The following HSPG2 variants were observed in gnomAD, a reference collection of about 807,000 sequenced individuals.
The protein encoded by HSPG2 is basement membrane-specific heparan sulfate proteoglycan core protein.
Under a neutral mutation model 526.6 loss-of-function variants are expected in HSPG2, and 278 were observed. The observed-to-expected ratio is 0.53, with a 90% CI of 0.48 to 0.58. The LOEUF (loss-of-function observed/expected upper bound fraction) is 0.58. HSPG2 is among the 20% of genes least tolerant of loss of function. The probability of loss-of-function intolerance (pLI) is 0.00; values close to 1 mark genes in which losing one functional copy is unlikely to be tolerated. For synonymous variants in HSPG2, 2,465 were observed against 2,555.4 expected, an observed-to-expected ratio of 0.96 and a Z score of 1.07; for missense variants, 5,354 against 6,099.5, an observed-to-expected ratio of 0.88 and a Z score of 4.07.
At chr1:21,891,407 C>A (rs10799718) in intron 3 of HSPG2, among the ~76,000 whole-genome samples, 47,047 of 152,046 alleles carry the variant, frequency 0.31, 7,544 homozygotes, top group Admixed American at 0.4. Flanking sequence ...AGATGCATCA[C>A]CTGGCACACA....
At position 21,828,136 on chromosome 1, in the gene HSPG2, G is replaced by A. The variant is rs370497259; in HGVS notation, c.12426C>T (p.His4142=). The A allele has an allele frequency of 8.6e-5, 139 of 1,612,590 alleles. No individual in the cohort carries two copies. The highest frequency in any genetic ancestry group is 3.0e-4 in the South Asian group (27 of 91,056). Residue 4142 remains histidine, a synonymous_variant, in exon 90 of 97, where the codon CAC becomes CAT. Coordinates refer to ENST00000374695, the MANE Select transcript of HSPG2 (RefSeq NM_005529.7). The surrounding 1 kb of genome is among the most constrained non-coding windows in gnomAD (Gnocchi z 6.0). ...CACGGAGCTGGCAGGGGTTCTCCTCGTGCTCACACAGGTCTCCTGTGGGCC... is the reference window on the plus strand; with the variant it reads ...CACGGAGCTGGCAGGGGTTCTCCTCATGCTCACACAGGTCTCCTGTGGGCC... ...RDGFKGDLCE[H]EENPCQLREP...
Position 21,823,420 on chromosome 1 carries a change from T to C in HSPG2, c.13072A>G (p.Asn4358Asp). ...FSSGITGCVKNLVLHSARPGA... is the reference protein window; with the variant it reads ...FSSGITGCVKDLVLHSARPGA... Reference sequence around the variant, plus strand: ...GGTCGGGCCGAGTGCAGCACCAGGTTCTTGACACAGCCTGTGATGCCTGAG... The same window carrying C: ...GGTCGGGCCGAGTGCAGCACCAGGTCCTTGACACAGCCTGTGATGCCTGAG... Residue 4358 changes from asparagine (N) to aspartate (D), a missense_variant, in exon 97 of 97, where the codon AAC becomes GAC. By Grantham distance (23) the Asn-to-Asp change is conservative. Coordinates refer to ENST00000374695, the MANE Select transcript of HSPG2 (RefSeq NM_005529.7). 1.3e-6 allele frequency: 2 copies of C among 1,586,280 alleles called. No individual in the cohort carries two copies. Among genetic ancestry groups the C allele is most frequent in the Non-Finnish European group, 1.7e-6 (2 of 1,171,008 alleles).
rs145093233 is a variant in HSPG2 at position 21,830,051 on chromosome 1, G to A, written c.11712C>T (p.Asp3904=). The A allele has an allele frequency of 2.7e-5, 43 of 1,603,984 alleles. No individual in the cohort carries two copies. The highest frequency in any genetic ancestry group is 1.9e-4 in the South Asian group (17 of 89,342). The part of the protein sequence containing the change: ...GPDATCVNRP[D]GRGYTCRCHL... ...GGCAGCGGCAGGTGTAGCCTCGACC[G>A]TCAGGCCGGTTCACACAGGTGGCGT... Residue 3904 remains aspartate (D), a synonymous_variant, in exon 86 of 97, where the codon GAC becomes GAT. Coordinates refer to ENST00000374695, the MANE Select transcript of HSPG2 (RefSeq NM_005529.7).
chr1:21,835,582 G>T lies in HSPG2; in HGVS notation c.10411C>A (p.Pro3471Thr), dbSNP rs1386027003. The T allele has an allele frequency of 1.9e-6, 3 of 1,614,134 alleles. No individual in the cohort carries two copies. The highest frequency in any genetic ancestry group is 2.5e-6 in the Non-Finnish European group (3 of 1,179,974). The change falls in exon 76 of 97, where the codon CCT becomes ACT. Residue 3471 changes from proline (P) to threonine (T), a missense_variant. By Grantham distance (38) the Pro-to-Thr change is conservative (BLOSUM62 -1). Coordinates refer to ENST00000374695, the MANE Select transcript of HSPG2 (RefSeq NM_005529.7). ...GCACTGGCCTGGGCCTTCCCCCAAG[G>T]TCCATGGGCCTGGCATATATACGTC... ...QGTYICQAHGPWGKAQASAQL... is the reference protein window; with the variant it reads ...QGTYICQAHGTWGKAQASAQL...
intron 75 of HSPG2, among the ~76,000 whole-genome samples, chr1:21,835,843 G>A (rs1303346766): frequency 6.6e-6 from 1 of 152,068 alleles, no homozygotes; most frequent in Non-Finnish European, 1.5e-5. Context: ...AATTAGCCAG[G>A]CGTGGTGGCA....
rs907179124 is a variant in HSPG2 at position 21,824,463 on chromosome 1, C to A, written c.12744+74G>T. On this transcript the variant is annotated intron_variant, in intron 93 of 96. Transcript: ENST00000374695. This position sits in a 1 kb window ranked among gnomAD's most constrained non-coding sequence, Gnocchi z 5.9. ...AGGGGGCTCTGCTTTCCCCTCCCCCCACCACTCCGGCCACCAGGAAGCCAG... is the reference window on the plus strand; with the variant it reads ...AGGGGGCTCTGCTTTCCCCTCCCCCAACCACTCCGGCCACCAGGAAGCCAG... 1.7e-5 allele frequency: 28 copies of A among 1,603,294 alleles called. No individual in the cohort carries two copies. Among genetic ancestry groups the A allele is most frequent in the Admixed American group, 3.3e-5 (2 of 60,024 alleles).
intron 49 of HSPG2, 52 bp downstream of exon 49, chr1:21,854,559 G>A (rs1370424746): frequency 9.9e-6 from 15 of 1,522,610 alleles, no homozygotes; most frequent in Non-Finnish European, 1.2e-5. Flanking sequence ...CCCCGCCTCC[G>A]CCACAGCCCC....
In HSPG2 at chr1:21,839,345, C is replaced by T. The variant is rs745391553; in HGVS notation, c.9889+26G>A. 2.4e-5 allele frequency: 39 copies of T among 1,606,014 alleles called. No individual in the cohort carries two copies. The highest frequency in any genetic ancestry group is 2.0e-5 in the Non-Finnish European group (23 of 1,178,860). On this transcript the variant is annotated intron_variant, in intron 73 of 96. Transcript: ENST00000374695. The surrounding 1 kb of genome is among the most constrained non-coding windows in gnomAD (Gnocchi z 4.5). ...GGGGGGCTCAGATCTCCATTTGGTG[C>T]AGACAAAGAAGGGATGAGGCCTTAC...
At chr1:21,863,060 C>CAAAAAAAAAAA (rs60890297) in intron 37 of HSPG2, among the ~76,000 whole-genome samples, 11 of 31,230 alleles carry the variant, frequency 3.5e-4, no homozygotes, top group African/African-American at 1.3e-3. Flanking sequence ...GACTCCATCT[C>CAAAAAAAAAAA]AAAAAAAAAA....
At chr1:21,843,194 G>A in intron 66 of HSPG2, 103 bp downstream of exon 66, 2 of 1,529,538 alleles carry the variant, frequency 1.3e-6, no homozygotes, top group South Asian at 1.1e-5. Flanking sequence ...AACCCCGCCT[G>A]CAGGCAACAA....
At chr1:21,840,428 C>T in intron 71 of HSPG2, among the ~76,000 whole-genome samples, 1 of 152,216 alleles carries the variant, frequency 6.6e-6, no homozygotes, top group Non-Finnish European at 1.5e-5. Context: ...GCCTCAGCCT[C>T]CTGAGTAGCT....
chr1:21,885,667 C>T (rs1297608583), intron 9 of HSPG2, among the ~76,000 whole-genome samples: 2 of 152,234 alleles, frequency 1.3e-5, no homozygotes, highest in East Asian at 3.9e-4. Flanking sequence ...CCCCTCACTC[C>T]ACCTGCATTC....
intron 3 of HSPG2, among the ~76,000 whole-genome samples, chr1:21,892,091 C>T (rs2152768195): frequency 6.6e-6 from 1 of 152,374 alleles, no homozygotes. Flanking sequence ...CCAGGCCCAT[C>T]CTCCTCCCGC....
intron 1 of HSPG2, among the ~76,000 whole-genome samples, chr1:21,920,122 G>C (rs1643995810): frequency 6.6e-6 from 1 of 152,208 alleles, no homozygotes; most frequent in African/African-American, 2.4e-5. Flanking sequence ...GGCCAGGCTG[G>C]TCTCGAACTC....
At chr1:21,929,601 T>A (rs1264603477) in intron 1 of HSPG2, among the ~76,000 whole-genome samples, 2 of 150,158 alleles carry the variant, frequency 1.3e-5, no homozygotes, top group African/African-American at 2.4e-5. Context: ...TTTTTTTTTT[T>A]AGGAATTTTT....
In HSPG2 at chr1:21,872,558, G is replaced by A; in HGVS notation, c.4029+62C>T. The stretch of plus-strand genomic sequence containing the variant: ...TGAGGGTCGCTGGGCTCAGTGCTCA[G>A]ATGGACAGTAACAGGCAGCAGGTGG... On this transcript the variant is annotated intron_variant, in intron 32 of 96. Transcript: ENST00000374695. The surrounding 1 kb of genome is among the most constrained non-coding windows in gnomAD (Gnocchi z 5.5). 1 of 1,546,540 alleles carries A rather than the reference G, an allele frequency of 6.5e-7. No individual in the cohort carries two copies. The highest frequency in any genetic ancestry group is 8.8e-7 in the Non-Finnish European group (1 of 1,142,762).
At position 21,838,934 on chromosome 1, in the gene HSPG2, G is replaced by A. The variant is rs766231068; in HGVS notation, c.10041C>T (p.Asn3347=). 22 of 1,612,210 alleles carry A rather than the reference G, an allele frequency of 1.4e-5. No individual in the cohort carries two copies. The highest frequency in any genetic ancestry group is 1.7e-5 in the Non-Finnish European group (20 of 1,179,086). The change falls in exon 74 of 97, where the codon AAC becomes AAT. Residue 3347 remains asparagine, a synonymous_variant. Transcript: ENST00000374695. ...CTGCACGCTCAAAGTGCAGCAGCTC[G>A]TTCCTGGCGGTCGCCCTCCCAGGAA... ...SSLPGRATAR[N]ELLHFERAAP...
In HSPG2 at chr1:21,878,239, G is replaced by T; in HGVS notation, c.2632C>A (p.Arg878Ser). 2 of 1,613,936 alleles carry T rather than the reference G, an allele frequency of 1.2e-6. No homozygotes were observed. Among genetic ancestry groups the T allele is most frequent in the African/African-American group, 2.7e-5 (2 of 75,060 alleles). Residue 878 changes from arginine to serine, a missense_variant, in exon 21 of 97, where the codon CGC (arginine) becomes AGC (serine). Arg to Ser is a moderately radical substitution (Grantham distance 110, BLOSUM62 -1). Transcript: ENST00000374695. ...CCCATGCTGCCACGCTCGTCACAGC[G>T]CACAATCTCCTGGTCTGGGACACAA... is the stretch of plus-strand genomic sequence containing the variant. ...KCRPVNQEIV[R>S]CDERGSMGTS...
chr1:21,896,795 C>G (rs1029470585), intron 1 of HSPG2, among the ~76,000 whole-genome samples: 1 of 152,142 alleles, frequency 6.6e-6, no homozygotes. Flanking sequence ...CCAGGCAGCT[C>G]CTCCCCAGGC....
Sources: allele counts gnomAD v4.1 joint callset (sites outside exome capture counted in the v4.1 genomes callset), GRCh38; gene constraint gnomAD v4.1.1; non-coding constraint Gnocchi (gnomAD v3.1); transcripts MANE v1.5; gene names NCBI Gene and HGNC (gene_info 2026-07-23, HGNC 2026-07-21).